Variants in TENM4 observed in about 807,000 individuals in gnomAD.
The protein encoded by TENM4 is teneurin-4.
In TENM4, 82 loss-of-function variants were observed where a neutral mutation model predicts 243.3. That is an observed-to-expected ratio of 0.34 (90% CI 0.28 to 0.40). The LOEUF is 0.40. Among genes scored for constraint, TENM4 ranks in the 10% least tolerant of loss-of-function variants. The pLI is 1.00. For synonymous variants in TENM4, 1,412 were observed against 1,456.3 expected, an observed-to-expected ratio of 0.97 and a Z score of 0.69; for missense variants, 3,138 against 3,673.3, an observed-to-expected ratio of 0.85 and a Z score of 3.77.
In TENM4 at chr11:78,657,644, G is replaced by A. The variant is rs1293169435; in HGVS notation, c.*414C>T. On this transcript the variant is annotated 3_prime_UTR_variant, in exon 34 of 34. Transcript: ENST00000278550. ...CCTTTACTCCTGCCCGACCCCAGTC[G>A]AAGAAGAAAGGGTTGCACATGAGAC... The A allele has an allele frequency of 2.3e-5, 8 of 353,318 alleles. No individual in the cohort carries two copies. The highest frequency in any genetic ancestry group is 9.0e-4 in the Middle Eastern group (1 of 1,112). The allele number at this position is 353,318 out of a possible 1,614,324, so 21.9% of individuals were successfully genotyped here. A position where few individuals can be genotyped will look rare whatever the true frequency, so the allele number is the denominator to read the frequency against.
intron 2 of TENM4, among the ~76,000 whole-genome samples, chr11:79,288,229 T>A (rs1856291440): frequency 6.6e-6 from 1 of 152,160 alleles, no homozygotes; most frequent in South Asian, 2.1e-4. Flanking sequence ...GGCTTCAGTG[T>A]CTCCCCAACC....
intron 18 of TENM4, among the ~76,000 whole-genome samples, chr11:78,762,236 A>G (rs1244251408): frequency 6.6e-6 from 1 of 152,230 alleles, no homozygotes. Context: ...ATAACTAGCA[A>G]CTAAGCAAGT....
intron 1 of TENM4, among the ~76,000 whole-genome samples, chr11:79,317,131 C>T (rs1415913319): frequency 6.6e-6 from 1 of 152,208 alleles, no homozygotes; most frequent in Non-Finnish European, 1.5e-5. Flanking sequence ...TTATAAAATA[C>T]TGAGCTCAAT....
intron 17 of TENM4, among the ~76,000 whole-genome samples, chr11:78,778,101 G>A (rs1856771777): frequency 6.6e-6 from 1 of 152,180 alleles, no homozygotes; most frequent in Non-Finnish European, 1.5e-5. Flanking sequence ...CCTGGCGCAG[G>A]TGCCTAGTAC....
intron 6 of TENM4, among the ~76,000 whole-genome samples, chr11:78,983,006 T>C (rs990323975): frequency 2.0e-5 from 3 of 152,238 alleles, no homozygotes; most frequent in Admixed American, 6.5e-5. Context: ...CCCGAGGCAC[T>C]TGGCACTTTC....
intron 1 of TENM4, among the ~76,000 whole-genome samples, chr11:79,404,624 C>G (rs1489871191): frequency 1.3e-5 from 2 of 152,100 alleles, no homozygotes; most frequent in African/African-American, 2.4e-5. Context: ...TGAATTTTAC[C>G]TCATTTTTTT....
rs776483085 is a variant in TENM4 at position 78,712,662 on chromosome 11, C to T, written c.3874G>A (p.Val1292Ile). The T allele has an allele frequency of 2.0e-5, 32 of 1,614,044 alleles. No individual in the cohort carries two copies. The highest frequency in any genetic ancestry group is 5.0e-5 in the Admixed American group (3 of 60,022). ...CGGCTGTTGCTGTCAGAAAGGAAGA[C>T]GGCCCCACTCATGGGGTCTGTGGCC... ...YLATDPMSGA[V>I]FLSDSNSRRV... Residue 1292 changes from valine (V) to isoleucine (I), a missense_variant, in exon 26 of 34, where the codon GTC (valine) becomes ATC (isoleucine). Val to Ile is a conservative substitution (Grantham distance 29). Coordinates refer to ENST00000278550, the MANE Select transcript of TENM4 (RefSeq NM_001098816.3).
intron 6 of TENM4, among the ~76,000 whole-genome samples, chr11:78,964,203 C>G (rs1857394263): frequency 6.6e-6 from 1 of 151,448 alleles, no homozygotes; most frequent in South Asian, 2.1e-4. Flanking sequence ...CTACCACACC[C>G]AGCTAATTTT....
At position 79,404,335 on chromosome 11, in the gene TENM4, A is replaced by T. The variant is rs184577198; in HGVS notation, c.-321+36174T>A. ...TTTAACCAAATGGCAAAGGGGAAAA[A>T]GCTCAATGAGCACAACTAAGAAAAC... On this transcript the variant is annotated intron_variant, in intron 1 of 33. Transcript: ENST00000278550. Among the ~76,000 whole-genome samples, 491 of 152,350 alleles carry T rather than the reference A, an allele frequency of 3.2e-3. 1 individual carries two copies. Among genetic ancestry groups the T allele is most frequent in the Admixed American group, 6.6e-3 (101 of 15,304 alleles).
intron 9 of TENM4, among the ~76,000 whole-genome samples, chr11:78,881,202 T>C (rs1245796317): frequency 6.6e-6 from 1 of 152,176 alleles, no homozygotes; most frequent in East Asian, 1.9e-4. Flanking sequence ...GCCCTGTGCA[T>C]GGCTAGGGAA....
At chr11:78,869,751 A>G (rs949113958) in intron 9 of TENM4, among the ~76,000 whole-genome samples, 13 of 152,254 alleles carry the variant, frequency 8.5e-5, no homozygotes, top group African/African-American at 3.1e-4. Flanking sequence ...TCCAAAGCCC[A>G]GGTTCCCCTC....
At chr11:79,435,262 C>T (rs1859248356) in intron 1 of TENM4, among the ~76,000 whole-genome samples, 1 of 152,034 alleles carries the variant, frequency 6.6e-6, no homozygotes, top group South Asian at 2.1e-4. Flanking sequence ...AATATATAAC[C>T]CCGGAAGCAA....
At chr11:78,691,971 C>T (rs1489517429) in intron 28 of TENM4, among the ~76,000 whole-genome samples, 1 of 152,132 alleles carries the variant, frequency 6.6e-6, no homozygotes, top group Non-Finnish European at 1.5e-5. Context: ...GGTTGCCAGT[C>T]CTCTGGGCCC....
At chr11:78,658,883 T>C in intron 33 of TENM4, 67 bp from the exon 34 acceptor site, 15 of 1,523,122 alleles carry the variant, frequency 9.8e-6, no homozygotes, top group South Asian at 8.8e-5. Context: ...ACCTGGAGAA[T>C]CAGCTTAAAT....
intron 4 of TENM4, among the ~76,000 whole-genome samples, chr11:79,130,839 T>C (rs1412805930): frequency 6.6e-6 from 1 of 151,644 alleles, no homozygotes; most frequent in Non-Finnish European, 1.5e-5. Flanking sequence ...GAAAAAACAA[T>C]CAAATTTCAG....
At chr11:78,768,449 C>T (rs891861324) in intron 18 of TENM4, among the ~76,000 whole-genome samples, 1 of 152,324 alleles carries the variant, frequency 6.6e-6, no homozygotes, top group Non-Finnish European at 1.5e-5. Flanking sequence ...GTGGATGCTC[C>T]TTTATCCTGG....
intron 3 of TENM4, among the ~76,000 whole-genome samples, chr11:79,187,148 G>T (rs891781499): frequency 6.6e-6 from 1 of 152,058 alleles, no homozygotes; most frequent in African/African-American, 2.4e-5. Flanking sequence ...GGGTTAATAT[G>T]TTTTTGCTGT....
chr11:78,663,260 G>C (rs1018453076), intron 32 of TENM4, among the ~76,000 whole-genome samples: 2 of 152,228 alleles, frequency 1.3e-5, no homozygotes, highest in Non-Finnish European at 2.9e-5. Flanking sequence ...TTGAGCCTTA[G>C]AGCCAAGGCT....
intron 4 of TENM4, among the ~76,000 whole-genome samples, chr11:79,102,140 A>G (rs769010605): frequency 1.3e-5 from 2 of 152,242 alleles, no homozygotes; most frequent in Non-Finnish European, 2.9e-5. Context: ...GTTGGTATGT[A>G]CAGTGATCAG....
Sources: gnomAD v4.1 joint callset for allele counts (sites outside exome capture counted in the v4.1 genomes callset) on GRCh38, gnomAD v4.1.1 for gene constraint, MANE v1.5 for transcripts, NCBI Gene and HGNC (gene_info 2026-07-23, HGNC 2026-07-21) for gene names.